The following POLQ variants were observed in gnomAD, a reference collection of about 807,000 sequenced individuals.
The protein encoded by POLQ is epididymis secretory sperm binding protein.
POLQ carries 233 observed loss-of-function variants against 259.2 expected under a neutral mutation model. The ratio of observed to expected loss-of-function variants is 0.90; its 90% CI spans 0.81 to 1.00. POLQ has a LOEUF of 1.00. Among genes scored for constraint, POLQ ranks in the 50% least tolerant of loss-of-function variants. POLQ has a pLI of 0.00. For missense variants in POLQ, 2,871 were observed against 3,051.6 expected (o/e 0.94, Z 1.39); for synonymous variants, 1,025 against 1,048.8 (o/e 0.98, Z 0.44).
rs2048532149 is a variant in POLQ, at chr3:121,545,985, A to C, written c.-108T>G. 7.4e-7 allele frequency: 1 copy of C among 1,347,264 alleles called. No individual in the cohort carries two copies. The highest frequency in any genetic ancestry group is 1.0e-6 in the Non-Finnish European group (1 of 962,764). The allele number at this position is 1,347,264 out of a possible 1,614,324, so 83.5% of individuals were successfully genotyped here. ...CGGACATCTTCCCGCCAGTCTTCAA[A>C]CTCAAACCTCCCGGCCCGCCCCGGA... On this transcript the variant is annotated 5_prime_UTR_variant, in exon 1 of 30. Coordinates refer to ENST00000264233, the MANE Select transcript of POLQ (RefSeq NM_199420.4).
At chr3:121,505,633 T>C (rs2048202656) in intron 12 of POLQ, among the ~76,000 whole-genome samples, 2 of 152,088 alleles carry the variant, frequency 1.3e-5, no homozygotes, top group South Asian at 4.1e-4. Flanking sequence ...TAAATGATGC[T>C]GAGATTACAG....
In POLQ at chr3:121,489,778, A is replaced by C. The variant is rs550987861; in HGVS notation, c.3153T>G (p.Ser1051=). 6.8e-6 allele frequency: 11 copies of C among 1,612,792 alleles called. No homozygotes were observed. In the African/African-American group the frequency reaches 1.5e-4, roughly 22 times the overall value. The change falls in exon 16 of 30, where the codon TCT becomes TCG. Residue 1051 remains serine (S), a synonymous_variant. Coordinates refer to ENST00000264233, the MANE Select transcript of POLQ (RefSeq NM_199420.4). ...SWKRRKHLKR[S]RDSSPLKDSG... The stretch of plus-strand genomic sequence containing the variant: ...AGTCTTTCAGGGGGCTGCTGTCCCT[A>C]GATCGCTTTAGATGCTTTCTACGTT...
At chr3:121,432,713 C>T (rs1010564541) in intron 29 of POLQ, among the ~76,000 whole-genome samples, 9 of 152,298 alleles carry the variant, frequency 5.9e-5, no homozygotes, top group East Asian at 1.9e-4. Context: ...AAACATCTTG[C>T]ATTGGCAATT....
intron 19 of POLQ, among the ~76,000 whole-genome samples, chr3:121,478,865 A>G (rs2108793258): frequency 6.6e-6 from 1 of 152,338 alleles, no homozygotes; most frequent in South Asian, 2.1e-4. Context: ...AAGTGGCCTC[A>G]AAACAAAGTT....
At chr3:121,511,755 G>T (rs893417875) in intron 10 of POLQ, 132 bp downstream of exon 10, 1 of 694,508 alleles carries the variant, frequency 1.4e-6, no homozygotes, top group East Asian at 3.0e-5. Context: ...TCCGGCCTGG[G>T]TAACAGAGTG....
In POLQ at chr3:121,478,076, A is replaced by G. The variant is rs141435632; in HGVS notation, c.6212-1343T>C. On this transcript the variant is annotated intron_variant, in intron 19 of 29. Transcript: ENST00000264233. ...GCATCCATAGCCATTAGGAAGGAGC[A>G]AGGTCGTTATGGGAATGGAGTCCCA... Among the ~76,000 whole-genome samples the G allele has an allele frequency of 1.6e-4, 25 of 152,294 alleles. No individual in the cohort carries two copies. The East Asian group carries it at 4.6e-3, about 28-fold the overall frequency.
intron 16 of POLQ, 134 bp downstream of exon 16, chr3:121,487,168 T>A: frequency 1.8e-6 from 1 of 558,948 alleles, no homozygotes; most frequent in Non-Finnish European, 3.0e-6. Flanking sequence ...GTTCTACACA[T>A]AAATCCACAG....
intron 19 of POLQ, among the ~76,000 whole-genome samples, chr3:121,479,050 A>C (rs894036347): frequency 1.3e-5 from 2 of 152,212 alleles, no homozygotes; most frequent in Non-Finnish European, 2.9e-5. Flanking sequence ...TAAAAATTTC[A>C]AGAATTAGTA....
Position 121,522,168 on chromosome 3 carries a change from C to T in POLQ, c.1109-19G>A. The T allele has an allele frequency of 3.2e-6, 5 of 1,582,994 alleles. No individual in the cohort carries two copies. The highest frequency in any genetic ancestry group is 2.6e-6 in the Non-Finnish European group (3 of 1,167,650). On this transcript the variant is annotated intron_variant, in intron 7 of 29. Coordinates refer to ENST00000264233, the MANE Select transcript of POLQ (RefSeq NM_199420.4). ...ACCAATCCTGTCACAAAAAAATTAT[C>T]AACACCATTTGCTTCTAACTCAGCT...
chr3:121,515,755 C>G (rs2048290283), intron 9 of POLQ, among the ~76,000 whole-genome samples: 1 of 152,106 alleles, frequency 6.6e-6, no homozygotes, highest in African/African-American at 2.4e-5. Flanking sequence ...GATACCAACA[C>G]AAGAACACAG....
At chr3:121,545,178 T>C (rs1362256705) in intron 1 of POLQ, among the ~76,000 whole-genome samples, 2 of 151,956 alleles carry the variant, frequency 1.3e-5, no homozygotes, top group African/African-American at 2.4e-5. Context: ...ACGGGTGTAG[T>C]TGGGGGAGGA....
chr3:121,460,536 G>C (rs551510338), intron 24 of POLQ, among the ~76,000 whole-genome samples: 1 of 152,276 alleles, frequency 6.6e-6, no homozygotes, highest in Admixed American at 6.5e-5. Flanking sequence ...CCAAAATGGT[G>C]CTTTCATGCC....
intron 3 of POLQ, among the ~76,000 whole-genome samples, chr3:121,540,248 TA>T (rs1348592338): frequency 6.6e-6 from 1 of 152,170 alleles, no homozygotes; most frequent in Non-Finnish European, 1.5e-5. Context: ...ATTCATTCAA[TA>T]AAATTTTCCT....
chr3:121,499,689 T>C (rs1274906823), intron 12 of POLQ, among the ~76,000 whole-genome samples: 1 of 151,934 alleles, frequency 6.6e-6, no homozygotes. Flanking sequence ...ATATTCAGAG[T>C]TGATATATTA....
intron 12 of POLQ, among the ~76,000 whole-genome samples, chr3:121,507,590 G>A (rs990844078): frequency 2.0e-5 from 3 of 152,014 alleles, no homozygotes; most frequent in Non-Finnish European, 4.4e-5. Flanking sequence ...AGCCAGGTGT[G>A]GTGGCATGCA....
At chr3:121,539,132 C>A (rs181390306) in intron 4 of POLQ, among the ~76,000 whole-genome samples, 12 of 152,228 alleles carry the variant, frequency 7.9e-5, no homozygotes, top group African/African-American at 2.9e-4. Context: ...GCCCAGCAGG[C>A]CTCCTTCTAT....
In POLQ at chr3:121,483,420, C is replaced by G. The variant is rs1055365087; in HGVS notation, c.5936G>C (p.Gly1979Ala). The stretch of plus-strand genomic sequence containing the variant: ...TTCATAACTTTGCTCCAAGGAGATG[C>G]CACAAGAAAGAAGAAGAATTTTATA... ...QSYKILLLSC[G>A]ISLEQSYEDP... Residue 1979 changes from glycine to alanine, a missense_variant, in exon 18 of 30, where the codon GGC becomes GCC. Coordinates refer to ENST00000264233, the MANE Select transcript of POLQ (RefSeq NM_199420.4). 2.5e-6 allele frequency: 4 copies of G among 1,583,910 alleles called. No homozygotes were observed. The highest frequency in any genetic ancestry group is 3.4e-6 in the Non-Finnish European group (4 of 1,170,212).
intron 24 of POLQ, among the ~76,000 whole-genome samples, chr3:121,463,187 G>A (rs2047806737): frequency 6.6e-6 from 1 of 152,082 alleles, no homozygotes. Flanking sequence ...ATGAATCATG[G>A]GGGTGGTTTC....
chr3:121,494,346 T>A (rs2048096904), intron 14 of POLQ: 6 of 1,598,098 alleles, frequency 3.8e-6, no homozygotes, highest in South Asian at 2.2e-5. Context: ...CCTCCTGCGA[T>A]TAACCAGTTC....
Sources: gnomAD v4.1 joint callset for allele counts (sites outside exome capture counted in the v4.1 genomes callset) on GRCh38, gnomAD v4.1.1 for gene constraint, MANE v1.5 for transcripts, NCBI Gene and HGNC (gene_info 2026-07-23, HGNC 2026-07-21) for gene names.